DOCK3: variants seen among roughly 807,000 people sequenced by gnomAD.
DOCK3 encodes the protein dedicator of cytokinesis protein 3.
DOCK3 carries 60 observed loss-of-function variants against 265.6 expected under a neutral mutation model. The ratio of observed to expected loss-of-function variants is 0.23; its 90% CI spans 0.18 to 0.28. DOCK3 has a LOEUF of 0.28. Among genes scored for constraint, DOCK3 ranks in the 10% least tolerant of loss-of-function variants. The pLI, the probability that DOCK3 is intolerant of heterozygous loss-of-function variation, is 1.00. For missense variants in DOCK3, 1,981 were observed against 2,594.3 expected, an observed-to-expected ratio of 0.76 and a Z score of 5.14; for synonymous variants, 881 against 938.0, an observed-to-expected ratio of 0.94 and a Z score of 1.11.
At chr3:51,282,229 A>G (rs2081162982) in intron 27 of DOCK3, among the ~76,000 whole-genome samples, 1 of 152,240 alleles carries the variant, frequency 6.6e-6, no homozygotes, top group African/African-American at 2.4e-5. Flanking sequence ...GGAATAGGCT[A>G]TGGCCTAATT....
intron 21 of DOCK3, among the ~76,000 whole-genome samples, chr3:51,238,862 A>G (rs942325935): frequency 1.3e-5 from 2 of 152,188 alleles, no homozygotes; most frequent in Non-Finnish European, 2.9e-5. Context: ...TCTACCATTG[A>G]TAGGCATTTA....
intron 1 of DOCK3, among the ~76,000 whole-genome samples, chr3:50,767,079 T>C (rs2040935724): frequency 6.6e-6 from 1 of 152,174 alleles, no homozygotes; most frequent in Non-Finnish European, 1.5e-5. Flanking sequence ...GCCTGTTCGC[T>C]CTGATGGTAG....
At chr3:50,822,715 A>T (rs1283092460) in intron 2 of DOCK3, among the ~76,000 whole-genome samples, 1 of 151,746 alleles carries the variant, frequency 6.6e-6, no homozygotes, top group Non-Finnish European at 1.5e-5. Context: ...CTGGTACCAT[A>T]CTCCTGGGCT....
rs971889340 is a variant in DOCK3 at position 51,228,051 on chromosome 3, C to A, written c.1610C>A (p.Thr537Asn). 1 of 1,613,920 alleles carries A rather than the reference C, an allele frequency of 6.2e-7. No individual in the cohort carries two copies. Among genetic ancestry groups the A allele is most frequent in the South Asian group, 1.1e-5 (1 of 91,092 alleles). ...ACCCTGATGCGTGATGATGGCACCACCCTCTCAGATGATATTCACGAGCTT... is the reference window on the plus strand; with the variant it reads ...ACCCTGATGCGTGATGATGGCACCAACCTCTCAGATGATATTCACGAGCTT... ...FSTLMRDDGT[T>N]LSDDIHELYV... The change falls in exon 17 of 53, where the codon ACC (threonine) becomes AAC (asparagine). Residue 537 changes from threonine to asparagine, a missense_variant. Coordinates refer to ENST00000266037, the MANE Select transcript of DOCK3 (RefSeq NM_004947.5).
At chr3:50,890,756 CT>C (rs2048603730) in intron 4 of DOCK3, among the ~76,000 whole-genome samples, 1 of 151,990 alleles carries the variant, frequency 6.6e-6, no homozygotes, top group East Asian at 1.9e-4. Context: ...CTATTCTTGA[CT>C]GCAGGGTGAG....
intron 23 of DOCK3, among the ~76,000 whole-genome samples, chr3:51,267,341 C>G (rs949636971): frequency 3.3e-5 from 5 of 151,638 alleles, no homozygotes; most frequent in Non-Finnish European, 5.9e-5. Flanking sequence ...GATTATAAAT[C>G]ATTCTACTAT....
intron 1 of DOCK3, among the ~76,000 whole-genome samples, chr3:50,746,318 G>C (rs1011048496): frequency 6.6e-6 from 1 of 152,122 alleles, no homozygotes; most frequent in Non-Finnish European, 1.5e-5. Flanking sequence ...TGTTGACCAG[G>C]CTGGTCTCGA....
In DOCK3 at chr3:51,090,244, C is replaced by T. The variant is rs1197534944; in HGVS notation, c.606C>T (p.Arg202=). The change falls in exon 9 of 53, where the codon CGC becomes CGT. Residue 202 remains arginine, a synonymous_variant. Transcript: ENST00000266037. ...TTCCTCATTAGGTAGATACAATGCGCCCACGTCATGGGGAAACATGTCGGA... is the reference window on the plus strand; with the variant it reads ...TTCCTCATTAGGTAGATACAATGCGTCCACGTCATGGGGAAACATGTCGGA... ...QQSTSQVDTM[R]PRHGETCRMP... is the part of the protein sequence containing the mutation. The T allele has an allele frequency of 2.5e-6, 4 of 1,589,640 alleles. No homozygotes were observed. Among genetic ancestry groups the T allele is most frequent in the Non-Finnish European group, 3.4e-6 (4 of 1,167,614 alleles).
chr3:50,769,028 C>G (rs1241750205), intron 1 of DOCK3, among the ~76,000 whole-genome samples: 1 of 151,278 alleles, frequency 6.6e-6, no homozygotes, highest in Admixed American at 6.6e-5. Flanking sequence ...TTTCATATAC[C>G]TGTTCATCAC....
chr3:50,963,510 A>G (rs1433154986), intron 5 of DOCK3, among the ~76,000 whole-genome samples: 3 of 152,234 alleles, frequency 2.0e-5, no homozygotes, highest in Non-Finnish European at 2.9e-5. Flanking sequence ...TGAGAATATA[A>G]ACTTGATTTA....
chr3:51,082,072 A>G (rs912443967), intron 7 of DOCK3, among the ~76,000 whole-genome samples: 2 of 151,970 alleles, frequency 1.3e-5, no homozygotes, highest in African/African-American at 4.8e-5. Context: ...CTTCAGAGTC[A>G]TGGAAGGAGA....
At chr3:50,711,834 G>A (rs6446213) in intron 1 of DOCK3, among the ~76,000 whole-genome samples, 118,838 of 152,034 alleles carry the variant, frequency 0.78, 47,516 homozygotes, top group Middle Eastern at 0.89. Context: ...TTTGTAGGAA[G>A]TTTTAAAAGT....
chr3:51,208,204 C>T (rs1576415885), intron 12 of DOCK3, among the ~76,000 whole-genome samples: 2 of 152,278 alleles, frequency 1.3e-5, no homozygotes. Flanking sequence ...TCCTCCTTCC[C>T]CCTGACCACA....
intron 5 of DOCK3, among the ~76,000 whole-genome samples, chr3:51,013,079 G>A (rs555972564): frequency 6.6e-6 from 1 of 152,062 alleles, no homozygotes; most frequent in Non-Finnish European, 1.5e-5. Context: ...TAGCTTCCTT[G>A]CAATGGGTTC....
At chr3:51,173,020 AT>A (rs2086763749) in intron 12 of DOCK3, among the ~76,000 whole-genome samples, 1 of 152,182 alleles carries the variant, frequency 6.6e-6, no homozygotes, top group African/African-American at 2.4e-5. Context: ...TATTCTTAAT[AT>A]TTTTGTCTCT....
At chr3:51,264,800 C>T (rs2080066504) in intron 23 of DOCK3, among the ~76,000 whole-genome samples, 3 of 144,042 alleles carry the variant, frequency 2.1e-5, no homozygotes, top group African/African-American at 7.7e-5. Flanking sequence ...ACACTCCAGC[C>T]TGGGTGACAG....
At chr3:50,981,317 G>A (rs1157840555) in intron 5 of DOCK3, among the ~76,000 whole-genome samples, 1 of 152,122 alleles carries the variant, frequency 6.6e-6, no homozygotes, top group Non-Finnish European at 1.5e-5. Context: ...ATATCCGATA[G>A]CTTACTTATA....
chr3:50,812,391 A>ATTAG (rs2043812773), intron 2 of DOCK3, among the ~76,000 whole-genome samples: 1 of 152,210 alleles, frequency 6.6e-6, no homozygotes, highest in African/African-American at 2.4e-5. Flanking sequence ...ATAGGGTTGT[A>ATTAG]TTAGTCTCTT....
At chr3:51,171,252 C>A (rs1484484685) in intron 12 of DOCK3, among the ~76,000 whole-genome samples, 1 of 152,090 alleles carries the variant, frequency 6.6e-6, no homozygotes, top group Non-Finnish European at 1.5e-5. Flanking sequence ...TTTCATTTAT[C>A]TCAAGGTATA....
Sources: allele counts gnomAD v4.1 joint callset (sites outside exome capture counted in the v4.1 genomes callset), GRCh38; gene constraint gnomAD v4.1.1; transcripts MANE v1.5; gene names NCBI Gene and HGNC (gene_info 2026-07-23, HGNC 2026-07-21).